Variants in PPP1R21 observed in about 807,000 individuals in gnomAD.
The protein encoded by PPP1R21 is KLRAQ motif containing 1.
Under a neutral mutation model 112.8 loss-of-function variants are expected in PPP1R21, and 85 were observed. The ratio of observed to expected loss-of-function variants is 0.75; its 90% confidence interval spans 0.63 to 0.90. The LOEUF is 0.90. Ranked by LOEUF, PPP1R21 falls within the 40% of genes least tolerant of loss-of-function variation. PPP1R21 has a pLI of 0.00. For synonymous variants in PPP1R21, 381 were observed against 322.3 expected (o/e 1.18, Z -1.95); for missense variants, 1,199 against 901.5 (o/e 1.33, Z -4.23).
chr2:48,482,552 G>A (rs1168965583), intron 13 of PPP1R21, among the ~76,000 whole-genome samples: 2 of 152,018 alleles, frequency 1.3e-5, no homozygotes, highest in Non-Finnish European at 2.9e-5. Context: ...TTTATATAAA[G>A]AGTAATATAT....
intron 12 of PPP1R21, among the ~76,000 whole-genome samples, chr2:48,475,099 TC>T (rs1668690868): frequency 6.6e-6 from 1 of 152,182 alleles, no homozygotes; most frequent in Non-Finnish European, 1.5e-5. Flanking sequence ...ACACCTGTCA[TC>T]CCAGCACGTT....
intron 1 of PPP1R21, among the ~76,000 whole-genome samples, chr2:48,446,912 G>C (rs564101742): frequency 6.6e-6 from 1 of 151,926 alleles, no homozygotes; most frequent in East Asian, 1.9e-4. Flanking sequence ...CACCATGCCC[G>C]GCTAATTTTT....
chr2:48,465,737 C>A, intron 9 of PPP1R21, 95 bp downstream of exon 9: 3 of 1,084,210 alleles, frequency 2.8e-6, no homozygotes, highest in South Asian at 2.1e-5. Context: ...CCAAGTACTG[C>A]AAAGGACATG....
Position 48,511,357 on chromosome 2 carries a change from C to A in PPP1R21, c.2202C>A (p.Thr734=). Residue 734 remains threonine, a synonymous_variant, in exon 21 of 22, where the codon ACC becomes ACA. Coordinates refer to ENST00000294952, the MANE Select transcript of PPP1R21 (RefSeq NM_001135629.3). ...ISRLQDELTT[T]KRSYEDQLSM... The stretch of plus-strand genomic sequence containing the variant: ...CTATTTAGGATGAGCTGACAACTAC[C>A]AAGAGGAGTTACGAGGATCAGTTAA... 6.2e-7 allele frequency: 1 copy of A among 1,613,502 alleles called. No homozygotes were observed. Among genetic ancestry groups the A allele is most frequent in the Non-Finnish European group, 8.5e-7 (1 of 1,179,868 alleles).
intron 3 of PPP1R21, among the ~76,000 whole-genome samples, chr2:48,456,244 T>C (rs1431287818): frequency 6.7e-6 from 1 of 148,910 alleles, no homozygotes; most frequent in East Asian, 1.9e-4. Context: ...GATTAAGAGA[T>C]TGCTGCTCTT....
intron 15 of PPP1R21, among the ~76,000 whole-genome samples, chr2:48,493,608 A>C (rs887098760): frequency 3.3e-5 from 4 of 123,000 alleles, no homozygotes; most frequent in Non-Finnish European, 7.0e-5. Context: ...ATAAATAAAT[A>C]AATTTTTAGA....
chr2:48,494,195 C>T (rs899814789), intron 15 of PPP1R21, among the ~76,000 whole-genome samples: 3 of 123,728 alleles, frequency 2.4e-5, no homozygotes, highest in Non-Finnish European at 3.2e-5. Context: ...GTCGTGATCA[C>T]GCTACTGCAC....
chr2:48,452,756 G>A (rs1468829369), intron 2 of PPP1R21, among the ~76,000 whole-genome samples: 4 of 151,954 alleles, frequency 2.6e-5, no homozygotes, highest in Non-Finnish European at 1.5e-5. Context: ...TGAAAGACAT[G>A]ATAGTTTGGA....
Position 48,509,995 on chromosome 2 carries a change from A to T in PPP1R21, c.2086-20A>T. 2 of 1,566,462 alleles carry T rather than the reference A, an allele frequency of 1.3e-6. No homozygotes were observed. Among genetic ancestry groups the T allele is most frequent in the Middle Eastern group, 1.7e-4 (1 of 5,854 alleles). The stretch of plus-strand genomic sequence containing the variant: ...TAGAAAGTGCTCCCTCTAGTAATGG[A>T]ATGTTTTCTGATTTTACAGTGCCGA... On this transcript the variant is annotated intron_variant, in intron 19 of 21. Transcript: ENST00000294952.
At chr2:48,492,298 C>T (rs1486552136) in intron 15 of PPP1R21, among the ~76,000 whole-genome samples, 1 of 150,514 alleles carries the variant, frequency 6.6e-6, no homozygotes, top group Non-Finnish European at 1.5e-5. Context: ...AAGAATTTTT[C>T]TTCCTTCCTT....
At chr2:48,495,454 G>A (rs1486854434) in intron 15 of PPP1R21, among the ~76,000 whole-genome samples, 1 of 152,044 alleles carries the variant, frequency 6.6e-6, no homozygotes, top group Admixed American at 6.6e-5. Context: ...CGCTCGCCTC[G>A]ACCTCCCAAA....
intron 15 of PPP1R21, among the ~76,000 whole-genome samples, chr2:48,494,705 C>T (rs1042648389): frequency 1.3e-5 from 2 of 149,980 alleles, no homozygotes; most frequent in Admixed American, 6.6e-5. Flanking sequence ...CATGAGCCAC[C>T]GTGCCTGGCC....
intron 9 of PPP1R21, among the ~76,000 whole-genome samples, chr2:48,469,033 G>A (rs1278466345): frequency 2.6e-5 from 4 of 151,790 alleles, no homozygotes; most frequent in Admixed American, 1.3e-4. Context: ...TTTTTACATG[G>A]CAGCGGCAAG....
At chr2:48,483,244 A>G (rs993841478) in intron 13 of PPP1R21, among the ~76,000 whole-genome samples, 9 of 108,572 alleles carry the variant, frequency 8.3e-5, no homozygotes, top group Admixed American at 1.5e-4. Context: ...TCTGTCACCC[A>G]GGCTGGAGTG....
intron 9 of PPP1R21, among the ~76,000 whole-genome samples, chr2:48,470,146 C>G (rs1045613640): frequency 6.6e-6 from 1 of 151,920 alleles, no homozygotes; most frequent in African/African-American, 2.4e-5. Flanking sequence ...TTCTAAATGC[C>G]TATAGGATTT....
intron 17 of PPP1R21, among the ~76,000 whole-genome samples, chr2:48,502,779 C>T (rs575829393): frequency 6.9e-6 from 1 of 144,074 alleles, no homozygotes; most frequent in Admixed American, 7.2e-5. Flanking sequence ...TTCCCGGGTT[C>T]ACGCCATTCT....
chr2:48,444,827 C>T (rs554670222), intron 1 of PPP1R21, among the ~76,000 whole-genome samples: 1 of 151,914 alleles, frequency 6.6e-6, no homozygotes, highest in African/African-American at 2.4e-5. Context: ...GGGATAGTAG[C>T]CTTGGCAGAA....
intron 13 of PPP1R21, among the ~76,000 whole-genome samples, chr2:48,481,176 A>G (rs1668994018): frequency 6.6e-6 from 1 of 152,070 alleles, no homozygotes; most frequent in South Asian, 2.1e-4. Context: ...TTTAGTAGAG[A>G]TGGGGTTTCG....
rs1013948201 is a variant in PPP1R21, at chr2:48,440,875, C to A, written c.-79C>A. On this transcript the variant is annotated 5_prime_UTR_variant, in exon 1 of 22. Coordinates refer to ENST00000294952, the MANE Select transcript of PPP1R21 (RefSeq NM_001135629.3). Reference sequence around the variant, plus strand: ...AGGCAGATACTGCCTGACCCGTTCCCGGGAGCGTGTCTGGGTTTGGGGGCG... The same window carrying A: ...AGGCAGATACTGCCTGACCCGTTCCAGGGAGCGTGTCTGGGTTTGGGGGCG... The A allele has an allele frequency of 1.2e-6, 1 of 831,434 alleles. No homozygotes were observed. 51.5% of individuals were successfully genotyped at this position (831,434 alleles called of 1,614,324 possible).
Sources: gnomAD v4.1 joint callset for allele counts (sites outside exome capture counted in the v4.1 genomes callset) on GRCh38, gnomAD v4.1.1 for gene constraint, MANE v1.5 for transcripts, NCBI Gene and HGNC (gene_info 2026-07-23, HGNC 2026-07-21) for gene names.